SPATS2: variants seen among roughly 807,000 people sequenced by gnomAD.
SPATS2 encodes spermatogenesis associated serine rich 2.
A neutral mutation model predicts 63.7 loss-of-function variants in SPATS2; 38 were observed. That is an observed-to-expected ratio of 0.60 (90% CI 0.46 to 0.78). The LOEUF (loss-of-function observed/expected upper bound fraction) is 0.78, where lower values mean the gene tolerates loss of function less well. Among genes scored for constraint, SPATS2 ranks in the 30% least tolerant of loss-of-function variants. The probability of loss-of-function intolerance (pLI) is 0.00; values close to 1 mark genes in which losing one functional copy is unlikely to be tolerated. For synonymous variants in SPATS2, 207 were observed against 232.9 expected (o/e 0.89, Z 1.01); for missense variants, 588 against 666.2 (o/e 0.88, Z 1.29).
intron 2 of SPATS2, among the ~76,000 whole-genome samples, chr12:49,438,825 T>C (rs983823460): frequency 1.3e-5 from 2 of 152,218 alleles, no homozygotes; most frequent in South Asian, 2.1e-4. Context: ...GTCAGCCAGC[T>C]AATTTACTGT....
chr12:49,483,958 G>A (rs1003302868), intron 3 of SPATS2, among the ~76,000 whole-genome samples: 3 of 152,186 alleles, frequency 2.0e-5, no homozygotes, highest in African/African-American at 7.2e-5. Context: ...GTAATTTATT[G>A]ATCACATAGG....
At position 49,495,339 on chromosome 12, in the gene SPATS2, A is replaced by G. The variant is rs1415813605; in HGVS notation, c.526+337A>G. 2.0e-5 allele frequency among the ~76,000 whole-genome samples: 3 copies of G among 151,398 alleles called. No individual in the cohort carries two copies. The East Asian group carries it at 5.8e-4, about 29-fold the overall frequency. On this transcript the variant is annotated intron_variant, in intron 7 of 13. Transcript: ENST00000552918. ...CTCCTGAGTAGCTGGTACTACAGGCACCCGCCACCACGCCTGGCTAATCTT... is the reference window on the plus strand; with the variant it reads ...CTCCTGAGTAGCTGGTACTACAGGCGCCCGCCACCACGCCTGGCTAATCTT...
chr12:49,525,019 C>T, intron 13 of SPATS2, 123 bp downstream of exon 13: 1 of 973,144 alleles, frequency 1.0e-6, no homozygotes, highest in Non-Finnish European at 1.5e-6. Flanking sequence ...TTTTGAATCC[C>T]TCCAACCCAA....
intron 6 of SPATS2, chr12:49,490,962 T>G: frequency 2.5e-6 from 1 of 393,704 alleles, no homozygotes; most frequent in Non-Finnish European, 4.6e-6. Context: ...GCCAACATGG[T>G]GAAGTCCCGT....
At chr12:49,412,742 C>T (rs1020152813) in intron 2 of SPATS2, among the ~76,000 whole-genome samples, 22 of 123,164 alleles carry the variant, frequency 1.8e-4, no homozygotes, top group African/African-American at 5.9e-4. Flanking sequence ...CAGAGTGAGA[C>T]GCTCATTCTA....
chr12:49,380,602 A>G (rs1052307493), intron 2 of SPATS2, among the ~76,000 whole-genome samples: 1 of 152,066 alleles, frequency 6.6e-6, no homozygotes, highest in Admixed American at 6.6e-5. Flanking sequence ...GCTACTTGAG[A>G]GGCTGAGACA....
chr12:49,464,778 A>G (rs909591888), intron 3 of SPATS2, among the ~76,000 whole-genome samples: 2 of 152,120 alleles, frequency 1.3e-5, no homozygotes, highest in East Asian at 1.9e-4. Flanking sequence ...ACAGTGAGCT[A>G]TGATCACTAC....
At position 49,500,174 on chromosome 12, in the gene SPATS2, A is replaced by C; in HGVS notation, c.808A>C (p.Met270Leu). ...KEEMDASIKK[M>L]KQAFAELESC... is the part of the protein sequence containing the mutation. The stretch of plus-strand genomic sequence containing the variant: ...AGAGATGGATGCCTCCATTAAGAAA[A>C]TGAAACAAGCCTTTGCTGAATTGGA... The change falls in exon 9 of 14, where the codon ATG becomes CTG. Residue 270 changes from methionine to leucine, a missense_variant. Coordinates refer to ENST00000552918, the MANE Select transcript of SPATS2 (RefSeq NM_023071.4). 1 of 1,610,742 alleles carries C rather than the reference A, an allele frequency of 6.2e-7. No homozygotes were observed. Among genetic ancestry groups the C allele is most frequent in the Non-Finnish European group, 8.5e-7 (1 of 1,178,940 alleles).
At chr12:49,409,014 A>G (rs1278034212) in intron 2 of SPATS2, among the ~76,000 whole-genome samples, 1 of 150,166 alleles carries the variant, frequency 6.7e-6, no homozygotes, top group Non-Finnish European at 1.5e-5. Flanking sequence ...TCAGTCAATT[A>G]TGCTAAAGTT....
intron 2 of SPATS2, among the ~76,000 whole-genome samples, chr12:49,453,470 G>A (rs1471622515): frequency 1.3e-5 from 2 of 152,084 alleles, no homozygotes; most frequent in Admixed American, 6.6e-5. Context: ...GCTGCTGGTT[G>A]CTGATGTCTC....
At chr12:49,426,591 T>C (rs977160100) in intron 2 of SPATS2, among the ~76,000 whole-genome samples, 9 of 152,222 alleles carry the variant, frequency 5.9e-5, no homozygotes, top group African/African-American at 2.2e-4. Context: ...TCACCCAGGC[T>C]GGAGTGCAGT....
chr12:49,479,718 A>G (rs1306411235), intron 3 of SPATS2, among the ~76,000 whole-genome samples: 1 of 152,178 alleles, frequency 6.6e-6, no homozygotes, highest in African/African-American at 2.4e-5. Context: ...TGCTGCAGCC[A>G]GTATGATGTG....
intron 2 of SPATS2, among the ~76,000 whole-genome samples, chr12:49,402,895 A>G (rs1944630950): frequency 6.6e-6 from 1 of 152,164 alleles, no homozygotes; most frequent in South Asian, 2.1e-4. Context: ...GACTATAGAG[A>G]GAACAGTGGC....
intron 9 of SPATS2, among the ~76,000 whole-genome samples, chr12:49,508,444 GTGATCCGCC>G: frequency 6.6e-6 from 1 of 152,250 alleles, no homozygotes; most frequent in South Asian, 2.1e-4. Context: ...CTGACCTCAG[GTGATCCGCC>G]TGATCCGCCT....
At chr12:49,436,956 G>A (rs534343106) in intron 2 of SPATS2, among the ~76,000 whole-genome samples, 8 of 142,868 alleles carry the variant, frequency 5.6e-5, no homozygotes, top group Non-Finnish European at 1.1e-4. Context: ...GCCGGGCAGG[G>A]GGCTAACCCC....
intron 2 of SPATS2, among the ~76,000 whole-genome samples, chr12:49,420,943 G>C (rs755825119): frequency 2.6e-5 from 4 of 152,146 alleles, no homozygotes; most frequent in Non-Finnish European, 4.4e-5. Flanking sequence ...GGAATTAAAG[G>C]CTGCAGCAAG....
intron 4 of SPATS2, among the ~76,000 whole-genome samples, chr12:49,487,184 ATT>A (rs917000938): frequency 6.6e-6 from 1 of 152,118 alleles, no homozygotes; most frequent in Non-Finnish European, 1.5e-5. Context: ...CAGTAAGAAT[ATT>A]GTGTTCAAAA....
chr12:49,390,743 T>A (rs1754093936), intron 2 of SPATS2, among the ~76,000 whole-genome samples: 1 of 152,204 alleles, frequency 6.6e-6, no homozygotes, highest in African/African-American at 2.4e-5. Flanking sequence ...CAATTTACCA[T>A]AACTGATACT....
chr12:49,514,262 A>G (rs1750433988), intron 9 of SPATS2, among the ~76,000 whole-genome samples: 1 of 152,056 alleles, frequency 6.6e-6, no homozygotes, highest in African/African-American at 2.4e-5. Flanking sequence ...GTAGCTTGCT[A>G]CTGCCATCTG....
Sources: gnomAD v4.1 joint callset for allele counts (sites outside exome capture counted in the v4.1 genomes callset) on GRCh38, gnomAD v4.1.1 for gene constraint, MANE v1.5 for transcripts, NCBI Gene and HGNC (gene_info 2026-07-23, HGNC 2026-07-21) for gene names.